PRKG1: variants seen among roughly 807,000 people sequenced by gnomAD.
PRKG1 encodes the protein protein kinase cGMP-dependent 1.
PRKG1 carries 35 observed loss-of-function variants against 88.1 expected under a neutral mutation model. The ratio of observed to expected loss-of-function variants is 0.40; its 90% CI spans 0.30 to 0.53. The LOEUF (loss-of-function observed/expected upper bound fraction) is 0.53. Among genes scored for constraint, PRKG1 ranks in the 20% least tolerant of loss-of-function variants. PRKG1 has a pLI of 0.59. For synonymous variants in PRKG1, 303 were observed against 292.5 expected (o/e 1.04, Z -0.37); for missense variants, 540 against 839.8 (o/e 0.64, Z 4.41).
rs1840245098 is a variant in PRKG1, at chr10:51,279,954, G to C, written c.478+126624G>C. 3.3e-5 allele frequency among the ~76,000 whole-genome samples: 5 copies of C among 152,210 alleles called. 1 individual carries two copies. The South Asian group carries it at 1.0e-3, about 31-fold the overall frequency. ...GTTATTTTGCTCGTTAGTTGATGCA[G>C]TTTCTTCCTAGCATCGATGGCCTTT... On this transcript the variant is annotated intron_variant, in intron 2 of 17. Coordinates refer to ENST00000373980, the MANE Select transcript of PRKG1 (RefSeq NM_006258.4).
rs193106422 is a variant in PRKG1, at chr10:51,917,630, T to C, written c.762+10060T>C. Among the ~76,000 whole-genome samples the C allele has an allele frequency of 6.2e-4, 95 of 152,312 alleles. 1 individual carries two copies. Among genetic ancestry groups the C allele is most frequent in the Middle Eastern group, 3.4e-3 (1 of 294 alleles). ...AAAGTATAGTATGAAATTTTAAGTA[T>C]TAACAAAAATAATACATGTTTTAAA... is the stretch of plus-strand genomic sequence containing the variant. On this transcript the variant is annotated intron_variant, in intron 5 of 17. Transcript: ENST00000373980.
chr10:52,162,347 C>T (rs538192046), intron 9 of PRKG1, among the ~76,000 whole-genome samples: 2 of 152,050 alleles, frequency 1.3e-5, no homozygotes, highest in East Asian at 3.9e-4. Context: ...TTTCCCTGTG[C>T]TAATACATCA....
intron 3 of PRKG1, among the ~76,000 whole-genome samples, chr10:51,494,872 G>GCATATTTATCTAGAAGATAATCTAGCA (rs1840808684): frequency 6.6e-6 from 1 of 152,032 alleles, no homozygotes; most frequent in African/African-American, 2.4e-5. Flanking sequence ...TTTGTAATTA[G>GCATATTTATCTAGAAGATAATCTAGCA]TCATTTATCT....
chr10:52,193,548 C>CAAAAAAAAAAAAAAAAAAAAAAAA (rs34730000), intron 9 of PRKG1, among the ~76,000 whole-genome samples: 1 of 42,820 alleles, frequency 2.3e-5, no homozygotes, highest in African/African-American at 7.4e-5. Context: ...GACTCTGTCT[C>CAAAAAAAAAAAAAAAAAAAAAAAA]AAAAAAAAAA....
chr10:51,236,120 A>T (rs960381421), intron 2 of PRKG1, among the ~76,000 whole-genome samples: 4 of 152,156 alleles, frequency 2.6e-5, no homozygotes, highest in African/African-American at 9.7e-5. Context: ...AGTTAATTTT[A>T]GTTCCAGAGT....
At chr10:51,288,669 C>T (rs1176605674) in intron 2 of PRKG1, among the ~76,000 whole-genome samples, 1 of 152,108 alleles carries the variant, frequency 6.6e-6, no homozygotes, top group African/African-American at 2.4e-5. Context: ...GCTTATACAT[C>T]TCAACATACT....
intron 3 of PRKG1, among the ~76,000 whole-genome samples, chr10:51,580,980 C>G (rs914637384): frequency 6.6e-6 from 1 of 151,576 alleles, no homozygotes; most frequent in African/African-American, 2.4e-5. Flanking sequence ...ATAATAGACA[C>G]GCACAAGATA....
intron 1 of PRKG1, among the ~76,000 whole-genome samples, chr10:51,135,112 G>A (rs1845657240): frequency 6.6e-6 from 1 of 152,162 alleles, no homozygotes; most frequent in Admixed American, 6.5e-5. Context: ...AAAAGTAGAA[G>A]TAGAGGGTGC....
intron 5 of PRKG1, among the ~76,000 whole-genome samples, chr10:52,005,833 G>A (rs908666095): frequency 6.6e-6 from 1 of 152,020 alleles, no homozygotes; most frequent in East Asian, 1.9e-4. Context: ...CCTAAACTCT[G>A]TGGTCAGTTG....
At chr10:51,325,903 A>T (rs1841580277) in intron 2 of PRKG1, among the ~76,000 whole-genome samples, 2 of 152,148 alleles carry the variant, frequency 1.3e-5, no homozygotes, top group South Asian at 4.1e-4. Context: ...GCTGGGAGAC[A>T]TGCACCAGCC....
chr10:51,985,201 T>C (rs1279005585), intron 5 of PRKG1, among the ~76,000 whole-genome samples: 1 of 152,190 alleles, frequency 6.6e-6, no homozygotes, highest in Non-Finnish European at 1.5e-5. Context: ...TCAAAACTCT[T>C]ATTAGAAAGC....
At chr10:51,080,418 T>C (rs1323325774) in intron 1 of PRKG1, among the ~76,000 whole-genome samples, 1 of 147,546 alleles carries the variant, frequency 6.8e-6, no homozygotes, top group Non-Finnish European at 1.5e-5. Flanking sequence ...TGTTTGCAGG[T>C]TATAAGGCAT....
intron 2 of PRKG1, among the ~76,000 whole-genome samples, chr10:51,323,638 A>G (rs1841509233): frequency 6.6e-6 from 1 of 152,242 alleles, no homozygotes; most frequent in African/African-American, 2.4e-5. Context: ...AGAAGTTCAC[A>G]ATACCTGGAG....
intron 1 of PRKG1, among the ~76,000 whole-genome samples, chr10:51,040,574 T>A (rs959013552): frequency 2.6e-4 from 39 of 152,000 alleles, no homozygotes; most frequent in African/African-American, 9.2e-4. Flanking sequence ...CACCTAGGCC[T>A]CCCAAAGTTC....
chr10:51,680,109 A>T (rs1295472729), intron 3 of PRKG1, among the ~76,000 whole-genome samples: 1 of 152,140 alleles, frequency 6.6e-6, no homozygotes, highest in Non-Finnish European at 1.5e-5. Context: ...ATATGGTGTC[A>T]ATCTGCTCTA....
At chr10:51,582,974 T>C (rs918731122) in intron 3 of PRKG1, among the ~76,000 whole-genome samples, 5 of 152,200 alleles carry the variant, frequency 3.3e-5, no homozygotes, top group Non-Finnish European at 5.9e-5. Context: ...TGTTTTGAAC[T>C]TAATTCAACC....
intron 7 of PRKG1, among the ~76,000 whole-genome samples, chr10:52,097,652 A>G (rs1406337291): frequency 3.3e-5 from 5 of 152,052 alleles, no homozygotes; most frequent in African/African-American, 9.7e-5. Flanking sequence ...TTGATTCTCC[A>G]TAAGAGGGCT....
At chr10:51,969,124 T>C (rs1843643755) in intron 5 of PRKG1, among the ~76,000 whole-genome samples, 2 of 152,124 alleles carry the variant, frequency 1.3e-5, no homozygotes, top group South Asian at 4.1e-4. Context: ...TCAGTAATAT[T>C]TGTGTGTGCT....
intron 1 of PRKG1, among the ~76,000 whole-genome samples, chr10:51,033,528 T>G (rs1406044197): frequency 1.3e-5 from 2 of 152,198 alleles, no homozygotes; most frequent in Admixed American, 6.5e-5. Flanking sequence ...GTTTCATCCC[T>G]TAATGTCAGG....
Sources: allele counts gnomAD v4.1 joint callset (sites outside exome capture counted in the v4.1 genomes callset), GRCh38; gene constraint gnomAD v4.1.1; transcripts MANE v1.5; gene names NCBI Gene and HGNC (gene_info 2026-07-23, HGNC 2026-07-21).